Variants in XKR9 observed in about 807,000 individuals in gnomAD.
XKR9 encodes the protein XK-related protein 9.
Under a neutral mutation model 32.0 loss-of-function variants are expected in XKR9, and 32 were observed. The ratio of observed to expected loss-of-function variants is 1.00; its 90% confidence interval spans 0.76 to 1.34. The LOEUF is 1.34. XKR9 is among the 40% of genes most tolerant of loss of function. XKR9 has a pLI of 0.00. For synonymous variants in XKR9, 168 were observed against 143.4 expected (o/e 1.17, Z -1.22); for missense variants, 546 against 429.7 (o/e 1.27, Z -2.39).
At chr8:71,009,305 T>C in the XKR9 span, among the ~76,000 whole-genome samples, 29 of 152,230 alleles carry the variant, frequency 1.9e-4, no homozygotes, top group Non-Finnish European at 3.7e-4. Flanking sequence ...CATTATAAGA[T>C]TTGTGTATGT....
the XKR9 span, among the ~76,000 whole-genome samples, chr8:70,883,250 G>C: frequency 6.6e-6 from 1 of 151,930 alleles, no homozygotes; most frequent in Non-Finnish European, 1.5e-5. Context: ...CCATTTCAGA[G>C]TTACTTCACT....
At chr8:71,052,614 G>A in the XKR9 span, among the ~76,000 whole-genome samples, 1 of 152,196 alleles carries the variant, frequency 6.6e-6, no homozygotes, top group Non-Finnish European at 1.5e-5. Flanking sequence ...AAGCAGGCAT[G>A]CAGACAGTCT....
chr8:70,864,359 A>G, the XKR9 span, among the ~76,000 whole-genome samples: 1 of 152,154 alleles, frequency 6.6e-6, no homozygotes, highest in Non-Finnish European at 1.5e-5. Context: ...CTTTCCCACC[A>G]TGTGCCCAGA....
At chr8:70,873,554 G>A in the XKR9 span, among the ~76,000 whole-genome samples, 3 of 152,218 alleles carry the variant, frequency 2.0e-5, no homozygotes, top group Admixed American at 1.3e-4. Flanking sequence ...AACTGTAGGT[G>A]TGGTGTAAAT....
At chr8:70,896,036 C>G in the XKR9 span, among the ~76,000 whole-genome samples, 1 of 151,978 alleles carries the variant, frequency 6.6e-6, no homozygotes, top group African/African-American at 2.4e-5. Context: ...AATATTGAAC[C>G]AGCTTTGCAT....
the XKR9 span, among the ~76,000 whole-genome samples, chr8:71,005,947 G>A: frequency 6.6e-6 from 1 of 152,248 alleles, no homozygotes; most frequent in Non-Finnish European, 1.5e-5. Flanking sequence ...TTGTTCATAA[G>A]AGGGACTTTC....
chr8:71,048,527 A>G, the XKR9 span, among the ~76,000 whole-genome samples: 2 of 152,188 alleles, frequency 1.3e-5, no homozygotes, highest in South Asian at 2.1e-4. Context: ...TCTGTGTTTA[A>G]TAGTTATGAG....
chr8:70,725,994 T>C (rs1206129661), intron 4 of XKR9, among the ~76,000 whole-genome samples: 1 of 152,228 alleles, frequency 6.6e-6, no homozygotes, highest in Non-Finnish European at 1.5e-5. Flanking sequence ...TTTTACATTT[T>C]CTTTCTACCC....
the XKR9 span, among the ~76,000 whole-genome samples, chr8:71,006,910 T>C: frequency 6.6e-6 from 1 of 152,180 alleles, no homozygotes; most frequent in African/African-American, 2.4e-5. Context: ...ATAAGTCATA[T>C]TGGTGATAAT....
rs180996435 is a variant in XKR9, at chr8:70,669,827, C to T, written c.-361+289C>T. Among the ~76,000 whole-genome samples, 254 of 151,774 alleles carry T rather than the reference C, an allele frequency of 1.7e-3. 1 individual carries two copies. Among genetic ancestry groups the T allele is most frequent in the African/African-American group, 5.9e-3 (244 of 41,404 alleles). ...GACTATAGGCGTCCGCCACCACGCC[C>T]GGCTAATTTTTTGTATTTTTAGTAG... On this transcript the variant is annotated intron_variant, in intron 1 of 4. Transcript: ENST00000408926.
At chr8:70,757,316 T>TC (rs941994455) in intron 2 of XKR9, among the ~76,000 whole-genome samples, 7 of 152,112 alleles carry the variant, frequency 4.6e-5, no homozygotes, top group Non-Finnish European at 8.8e-5. Flanking sequence ...ATCTTTTTTT[T>TC]CTCTCTGTTC....
At chr8:70,752,824 A>G (rs2130187701) in intron 2 of XKR9, among the ~76,000 whole-genome samples, 1 of 152,352 alleles carries the variant, frequency 6.6e-6, no homozygotes, top group African/African-American at 2.4e-5. Flanking sequence ...GGAAAGATCA[A>G]AAATTGACAC....
the XKR9 span, among the ~76,000 whole-genome samples, chr8:70,949,640 G>A: frequency 6.6e-6 from 1 of 151,846 alleles, no homozygotes; most frequent in African/African-American, 2.4e-5. Context: ...GGGGATGGGG[G>A]CTATGACAGG....
At chr8:71,051,056 A>G in the XKR9 span, among the ~76,000 whole-genome samples, 2 of 152,158 alleles carry the variant, frequency 1.3e-5, no homozygotes, top group South Asian at 2.1e-4. Context: ...AATAAAAAAA[A>G]AAACTAATGA....
At chr8:70,874,520 T>C in the XKR9 span, among the ~76,000 whole-genome samples, 3 of 152,326 alleles carry the variant, frequency 2.0e-5, no homozygotes, top group African/African-American at 7.2e-5. Context: ...TATTTTAAGA[T>C]GAAAACAAAA....
chr8:70,935,328 G>C, the XKR9 span, among the ~76,000 whole-genome samples: 2 of 150,992 alleles, frequency 1.3e-5, no homozygotes, highest in Non-Finnish European at 3.0e-5. Flanking sequence ...ACTTTGTATT[G>C]TTACTATTAA....
the XKR9 span, among the ~76,000 whole-genome samples, chr8:70,823,859 G>A: frequency 3.7e-4 from 56 of 152,244 alleles, 1 homozygote; most frequent in Admixed American, 3.6e-3. Context: ...AAGTTGAGGA[G>A]AGTTCTGAAG....
At chr8:70,920,131 A>G in the XKR9 span, among the ~76,000 whole-genome samples, 2 of 152,212 alleles carry the variant, frequency 1.3e-5, no homozygotes, top group African/African-American at 4.8e-5. Flanking sequence ...GAATCAATAT[A>G]AGATTATCTA....
the XKR9 span, among the ~76,000 whole-genome samples, chr8:70,888,274 C>T: frequency 6.6e-6 from 1 of 151,610 alleles, no homozygotes; most frequent in African/African-American, 2.4e-5. Flanking sequence ...GCTTATTTAC[C>T]CATGTTTAAA....
Sources: allele counts gnomAD v4.1 joint callset (sites outside exome capture counted in the v4.1 genomes callset), GRCh38; gene constraint gnomAD v4.1.1; transcripts MANE v1.5; gene names NCBI Gene and HGNC (gene_info 2026-07-23, HGNC 2026-07-21).